Variants in ITCH observed in about 807,000 individuals in gnomAD.
ITCH encodes E3 ubiquitin-protein ligase Itchy homolog.
A neutral mutation model predicts 126.8 loss-of-function variants in ITCH; 28 were observed. That is an observed-to-expected ratio of 0.22 (90% CI 0.16 to 0.30). ITCH has a LOEUF of 0.30. Among genes scored for constraint, ITCH ranks in the 10% least tolerant of loss-of-function variants. ITCH has a pLI of 1.00. For synonymous variants in ITCH, 342 were observed against 340.0 expected (o/e 1.01, Z -0.06); for missense variants, 631 against 1,032.4 (o/e 0.61, Z 5.33).
In ITCH at chr20:34,492,488, A is replaced by G; in HGVS notation, c.2320-13A>G. 1.2e-5 allele frequency: 17 copies of G among 1,429,106 alleles called. No homozygotes were observed. The highest frequency in any genetic ancestry group is 1.6e-5 in the Non-Finnish European group (16 of 1,011,256). The allele number at this position is 1,429,106 out of a possible 1,614,324, so 88.5% of individuals were successfully genotyped here. On this transcript the variant is annotated splice_polypyrimidine_tract_variant and intron_variant, in intron 22 of 24. Transcript: ENST00000374864. ...ATATGACATATATATCTCTTTAAAT[A>G]TACTTTTAACAGTTTGTTAAAGAAA...
intron 20 of ITCH, among the ~76,000 whole-genome samples, chr20:34,488,946 G>A (rs939866612): frequency 6.6e-6 from 1 of 152,078 alleles, no homozygotes. Context: ...GGCCGAGGTA[G>A]GAGGATTGCT....
chr20:34,413,823 A>G lies in ITCH; in HGVS notation c.419A>G (p.Asp140Gly), dbSNP rs1979406286. ...ETIGDLSICLDGLQLESEVVT... is the reference protein window; with the variant it reads ...ETIGDLSICLGGLQLESEVVT... Reference sequence around the variant, plus strand: ...ATAGGAGACTTGTCAATTTGTCTTGATGGGCTACAGTTAGAGTCTGAAGTT... The same window carrying G: ...ATAGGAGACTTGTCAATTTGTCTTGGTGGGCTACAGTTAGAGTCTGAAGTT... Residue 140 changes from aspartate (D) to glycine (G), a missense_variant, in exon 6 of 25, where the codon GAT becomes GGT. Transcript: ENST00000374864. 13 of 1,613,694 alleles carry G rather than the reference A, an allele frequency of 8.1e-6. No individual in the cohort carries two copies. The highest frequency in any genetic ancestry group is 1.1e-5 in the Non-Finnish European group (13 of 1,179,622).
At chr20:34,408,965 T>C (rs1267913544) in intron 4 of ITCH, among the ~76,000 whole-genome samples, 173 bp downstream of exon 4, 1 of 151,958 alleles carries the variant, frequency 6.6e-6, no homozygotes, top group African/African-American at 2.4e-5. Flanking sequence ...TTTGTTTCTC[T>C]TTAGATAGCT....
At chr20:34,448,633 T>C (rs1309086572) in intron 11 of ITCH, among the ~76,000 whole-genome samples, 1 of 152,096 alleles carries the variant, frequency 6.6e-6, no homozygotes, top group East Asian at 1.9e-4. Flanking sequence ...TTTAATGCAG[T>C]TAGACTCTTG....
chr20:34,448,825 C>T (rs953793309), intron 11 of ITCH, among the ~76,000 whole-genome samples: 1 of 152,170 alleles, frequency 6.6e-6, no homozygotes, highest in East Asian at 1.9e-4. Flanking sequence ...CTAGCCAAAT[C>T]TTTCTCTCCA....
At chr20:34,431,203 C>T (rs999362611) in intron 7 of ITCH, among the ~76,000 whole-genome samples, 4 of 152,068 alleles carry the variant, frequency 2.6e-5, no homozygotes, top group African/African-American at 9.7e-5. Flanking sequence ...TGCCTCAGCC[C>T]AGGAGTTTGA....
chr20:34,448,974 A>G (rs1253429686), intron 11 of ITCH, among the ~76,000 whole-genome samples: 2 of 151,964 alleles, frequency 1.3e-5, no homozygotes, highest in South Asian at 2.1e-4. Flanking sequence ...TCTTCTCATA[A>G]TTCTTTGTAT....
At chr20:34,387,471 C>G (rs2038327071) in intron 2 of ITCH, among the ~76,000 whole-genome samples, 2 of 151,808 alleles carry the variant, frequency 1.3e-5, no homozygotes, top group African/African-American at 4.8e-5. Context: ...TCTCTATCTC[C>G]CTGTAAAAAA....
Position 34,402,400 on chromosome 20 carries a change from G to A in ITCH, c.71-6251G>A, listed in dbSNP as rs372903057. On this transcript the variant is annotated intron_variant, in intron 3 of 24. Coordinates refer to ENST00000374864, the MANE Select transcript of ITCH (RefSeq NM_031483.7). ...TTGGGTCCCAACAAGCAACAAAGGA[G>A]TCTTTGGACAGTGGCACCCACTTTT... is the stretch of plus-strand genomic sequence containing the variant. 3,692 of 782,740 alleles carry A rather than the reference G, an allele frequency of 4.7e-3. 48 individuals carry two copies. Among genetic ancestry groups the A allele is most frequent in the South Asian group, 0.028 (2,079 of 74,682 alleles). The allele number at this position is 782,740 out of a possible 1,614,324, so 48.5% of individuals were successfully genotyped here.
At chr20:34,421,882 G>T (rs1229685425) in intron 6 of ITCH, among the ~76,000 whole-genome samples, 1 of 152,104 alleles carries the variant, frequency 6.6e-6, no homozygotes, top group Non-Finnish European at 1.5e-5. Context: ...TTTTGTGGTG[G>T]CATGCATCCA....
chr20:34,463,656 T>C (rs1986752125), intron 14 of ITCH, among the ~76,000 whole-genome samples: 2 of 152,078 alleles, frequency 1.3e-5, no homozygotes, highest in South Asian at 4.2e-4. Flanking sequence ...TAGTCATCCT[T>C]AATGTCGTAT....
At chr20:34,500,010 T>C (rs1990151911) in intron 23 of ITCH, among the ~76,000 whole-genome samples, 1 of 152,240 alleles carries the variant, frequency 6.6e-6, no homozygotes, top group Non-Finnish European at 1.5e-5. Context: ...TATTGATTTC[T>C]AGTCTTACTC....
At chr20:34,469,311 C>A (rs551329177) in intron 14 of ITCH, among the ~76,000 whole-genome samples, 1 of 150,678 alleles carries the variant, frequency 6.6e-6, no homozygotes, top group Admixed American at 6.6e-5. Flanking sequence ...TTTTTTTAGA[C>A]GGAGTCTAGC....
intron 6 of ITCH, among the ~76,000 whole-genome samples, chr20:34,415,801 A>G (rs986610021): frequency 1.3e-5 from 2 of 152,204 alleles, no homozygotes; most frequent in African/African-American, 2.4e-5. Context: ...AGCTTCGCCC[A>G]TAGAAGATGA....
chr20:34,475,684 G>A (rs865849352), intron 16 of ITCH, among the ~76,000 whole-genome samples: 3 of 151,754 alleles, frequency 2.0e-5, no homozygotes, highest in Non-Finnish European at 1.5e-5. Context: ...GAGGGAGACG[G>A]GAGAGGCAGA....
intron 7 of ITCH, 147 bp downstream of exon 7, chr20:34,424,672 A>G (rs1981250436): frequency 1.3e-6 from 1 of 779,338 alleles, no homozygotes. Context: ...TTTGCAAAAG[A>G]TTGAAGACTC....
intron 13 of ITCH, among the ~76,000 whole-genome samples, chr20:34,461,817 T>G (rs564179143): frequency 5.3e-5 from 8 of 151,648 alleles, no homozygotes; most frequent in Non-Finnish European, 1.0e-4. Flanking sequence ...GGCAGAATGG[T>G]TAGAACTTGG....
chr20:34,427,039 G>T (rs969104760), intron 7 of ITCH, among the ~76,000 whole-genome samples: 3 of 152,128 alleles, frequency 2.0e-5, no homozygotes, highest in African/African-American at 7.2e-5. Context: ...CTTCCAAAGT[G>T]CTGGGATTAC....
intron 3 of ITCH, chr20:34,402,349 G>A: frequency 1.1e-6 from 1 of 907,390 alleles, no homozygotes. Flanking sequence ...TTTCTCAATA[G>A]TAGAGGGGTC....
Sources: allele counts gnomAD v4.1 joint callset (sites outside exome capture counted in the v4.1 genomes callset), GRCh38; gene constraint gnomAD v4.1.1; transcripts MANE v1.5; gene names NCBI Gene and HGNC (gene_info 2026-07-23, HGNC 2026-07-21).